The following FUS variants were observed in gnomAD, a reference collection of about 807,000 sequenced individuals.
FUS encodes RNA-binding protein FUS.
A neutral mutation model predicts 82.7 loss-of-function variants in FUS; 5 were observed. The ratio of observed to expected loss-of-function variants is 0.06; its 90% CI spans 0.03 to 0.13. FUS has a LOEUF of 0.13. FUS is among the 10% of genes least tolerant of loss of function. The pLI, the probability that FUS is intolerant of heterozygous loss-of-function variation, is 1.00. For missense variants in FUS, 512 were observed against 707.8 expected (o/e 0.72, Z 3.14); for synonymous variants, 281 against 247.4 (o/e 1.14, Z -1.27).
chr16:31,185,633 T>C, intron 6 of FUS: 1 of 488,686 alleles, frequency 2.0e-6, no homozygotes, highest in Non-Finnish European at 4.1e-6. Flanking sequence ...TTGGCTACTC[T>C]TCCCGTTTTC....
At chr16:31,193,795 C>T (rs760471855), downstream of FUS, 10 of 517,862 alleles carry the variant, frequency 1.9e-5, no homozygotes, top group Non-Finnish European at 3.0e-5. Context: ...CGCTACCACA[C>T]CTGGGTAATT....
At chr16:31,192,270 TCCTAAGGGAATGATA>T (rs550917149), downstream of FUS, 454 of 526,972 alleles carry the variant, frequency 8.6e-4, 3 homozygotes, top group Middle Eastern at 0.011. Context: ...TGGAAGGCCC[TCCTAAGGGAATGATA>T]AGTGATAAGA....
At position 31,180,246 on chromosome 16, in the gene FUS, C is replaced by T. The variant is rs1233900898; in HGVS notation, c.13+19C>T. 1.2e-6 allele frequency: 2 copies of T among 1,606,690 alleles called. No individual in the cohort carries two copies. The highest frequency in any genetic ancestry group is 1.7e-6 in the Non-Finnish European group (2 of 1,176,812). ...TCAAACGGTAGGTAAGGGCGCGAGG[C>T]GACGGCGGCGGCGCACCCGGCCGAG... On this transcript the variant is annotated intron_variant, in intron 1 of 14. Transcript: ENST00000254108.
In FUS at chr16:31,191,122, A is replaced by C; in HGVS notation, c.1541+12A>C. ...AAGATGGATTCCAGGTAAGACTTTA[A>C]ATCAGAATAAAAAAGTAGAGCAGTT... On this transcript the variant is annotated intron_variant, in intron 14 of 14. Coordinates refer to ENST00000254108, the MANE Select transcript of FUS (RefSeq NM_004960.4). The C allele has an allele frequency of 1.9e-6, 3 of 1,612,044 alleles. No homozygotes were observed. Among genetic ancestry groups the C allele is most frequent in the Non-Finnish European group, 2.5e-6 (3 of 1,179,792 alleles).
At position 31,191,039 on chromosome 16, in the gene FUS, C is replaced by T. The variant is rs1299073464; in HGVS notation, c.1470C>T (p.Asp490=). Residue 490 remains aspartate (D), a synonymous_variant, in exon 14 of 15, where the codon GAC becomes GAT. Transcript: ENST00000254108. ...GCGGCTACCGGGGCCGCGGCGGGGA[C>T]CGTGGAGGCTTCCGAGGGGGCCGGG... ...DRGGYRGRGG[D]RGGFRGGRGG... 7 of 1,613,562 alleles carry T rather than the reference C, an allele frequency of 4.3e-6. No individual in the cohort carries two copies. The East Asian group carries it at 1.6e-4, about 36-fold the overall frequency.
At position 31,180,233 on chromosome 16, in the gene FUS, T is replaced by C. The variant is rs548094887; in HGVS notation, c.13+6T>C. 1.2e-5 allele frequency: 19 copies of C among 1,610,164 alleles called. No homozygotes were observed. The highest frequency in any genetic ancestry group is 2.7e-5 in the African/African-American group (2 of 74,880). On this transcript the variant is annotated splice_donor_region_variant and intron_variant, in intron 1 of 14. Coordinates refer to ENST00000254108, the MANE Select transcript of FUS (RefSeq NM_004960.4). ...CGCGGACATGGCCTCAAACGGTAGG[T>C]AAGGGCGCGAGGCGACGGCGGCGGC...
chr16:31,181,887 C>G (rs1352157776), intron 1 of FUS, among the ~76,000 whole-genome samples: 2 of 152,178 alleles, frequency 1.3e-5, no homozygotes, highest in South Asian at 2.1e-4. Context: ...TAGAAACTTG[C>G]ATTTTCTTCA....
chr16:31,190,629 TTCTG>T (rs2079340599), intron 12 of FUS, 109 bp from the exon 13 acceptor site: 1 of 1,233,730 alleles, frequency 8.1e-7, no homozygotes, highest in South Asian at 1.2e-5. Context: ...CGTTTTGTCT[TTCTG>T]AAGCTTCAGT....
At chr16:31,187,282 C>T (rs1329619776) in intron 7 of FUS, 1 of 288,238 alleles carries the variant, frequency 3.5e-6, no homozygotes. Context: ...TAACATTGCC[C>T]TGAGGATGGT....
At chr16:31,189,058 T>C (rs1263582775) in intron 8 of FUS, 65 bp from the exon 9 acceptor site, 3 of 1,236,350 alleles carry the variant, frequency 2.4e-6, no homozygotes, top group Non-Finnish European at 3.6e-6. Context: ...CTAGGTGCTT[T>C]AGGTTTTTTC....
At chr16:31,194,629 T>G (rs1451216021), downstream of FUS, 11 of 490,240 alleles carry the variant, frequency 2.2e-5, no homozygotes, top group Non-Finnish European at 3.2e-5. Context: ...TTTAATTAAC[T>G]TGTATATATT....
downstream of FUS, chr16:31,191,656 C>G (rs748525151): frequency 1.4e-6 from 1 of 703,060 alleles, no homozygotes. Flanking sequence ...ATGTCCCGAT[C>G]AGGAAGGTAG....
chr16:31,186,469 G>C (rs1368805902), intron 6 of FUS: 1 of 452,214 alleles, frequency 2.2e-6, no homozygotes, highest in Non-Finnish European at 4.1e-6. Flanking sequence ...CAACTACTTG[G>C]TTGTCAACCA....
chr16:31,183,828 T>G, intron 3 of FUS, 30 bp from the exon 4 acceptor site: 1 of 1,614,172 alleles, frequency 6.2e-7, no homozygotes, highest in Non-Finnish European at 8.5e-7. Context: ...CCTGGTGGCT[T>G]TTGTGACTCC....
At chr16:31,187,349 A>C in intron 7 of FUS, 1 of 248,438 alleles carries the variant, frequency 4.0e-6, no homozygotes, top group Non-Finnish European at 8.0e-6. Flanking sequence ...AATTCTATGT[A>C]TATGGACTTA....
At chr16:31,189,826 T>A (rs1289783902) in intron 10 of FUS, 32 bp downstream of exon 10, 1 of 1,613,372 alleles carries the variant, frequency 6.2e-7, no homozygotes. Flanking sequence ...GAGGTGGGGC[T>A]GGGGATATAG....
downstream of FUS, chr16:31,192,913 C>T (rs1251826782): frequency 2.1e-6 from 1 of 486,614 alleles, no homozygotes; most frequent in South Asian, 1.5e-5. Flanking sequence ...ATGTTCTCTA[C>T]TGAAGAGTTG....
In FUS at chr16:31,185,096, C is replaced by CGGTGGT; in HGVS notation, c.683_684insTGGTGG (p.Gly230_Gly231dup). The CGGTGGT allele has an allele frequency of 6.2e-7, 1 of 1,604,954 alleles. No homozygotes were observed. The highest frequency in any genetic ancestry group is 1.3e-5 in the African/African-American group (1 of 74,816). ...GTGGCAGTGGTGGCGGCGGCGGCGG[C>CGGTGGT]GGCGGTGGTGGTTACAACCGCAGCA... On this transcript the variant is annotated inframe_insertion, in exon 6 of 15. Transcript: ENST00000254108.
At chr16:31,182,696 A>G (rs545780413) in intron 3 of FUS, 32 bp downstream of exon 3, 6 of 1,613,200 alleles carry the variant, frequency 3.7e-6, no homozygotes, top group Non-Finnish European at 5.1e-6. Context: ...ACCTCTTCCT[A>G]CTCTTTCTGA....
Sources: gnomAD v4.1 joint callset for allele counts (sites outside exome capture counted in the v4.1 genomes callset) on GRCh38, gnomAD v4.1.1 for gene constraint, MANE v1.5 for transcripts, NCBI Gene and HGNC (gene_info 2026-07-23, HGNC 2026-07-21) for gene names.